DMWD: variants seen among roughly 807,000 people sequenced by gnomAD.
DMWD encodes dystrophia myotonica WD repeat-containing protein.
Under a neutral mutation model 45.8 loss-of-function variants are expected in DMWD, and 19 were observed. The ratio of observed to expected loss-of-function variants is 0.41; its 90% CI spans 0.29 to 0.61. The LOEUF is 0.61. DMWD is among the 20% of genes least tolerant of loss of function. The probability of loss-of-function intolerance (pLI) is 0.25; values close to 1 mark genes in which losing one functional copy is unlikely to be tolerated. For missense variants in DMWD, 802 were observed against 965.2 expected (o/e 0.83, Z 2.24); for synonymous variants, 515 against 440.5 (o/e 1.17, Z -2.12).
intron 2 of DMWD, 104 bp downstream of exon 2, chr19:45,790,801 G>T: frequency 7.6e-7 from 1 of 1,323,108 alleles, no homozygotes; most frequent in Non-Finnish European, 1.0e-6. Flanking sequence ...CCCTGGTCCT[G>T]CCCCTCTCAG....
At chr19:45,790,298 G>A (rs1217274544) in intron 2 of DMWD, 2 of 150,246 alleles carry the variant, frequency 1.3e-5, no homozygotes, top group African/African-American at 4.9e-5. Flanking sequence ...GCGACAGAGT[G>A]AGACTCCGCC....
At chr19:45,788,537 C>A (rs1970312913) in intron 2 of DMWD, among the ~76,000 whole-genome samples, 1 of 152,186 alleles carries the variant, frequency 6.6e-6, no homozygotes, top group Non-Finnish European at 1.5e-5. Flanking sequence ...TCCGTTATTT[C>A]TTGGAACTCA....
rs1356110407 is a variant in DMWD, at chr19:45,783,799, T to A, written c.*444A>T. On this transcript the variant is annotated 3_prime_UTR_variant, in exon 5 of 5. Coordinates refer to ENST00000270223, the MANE Select transcript of DMWD (RefSeq NM_004943.2). ...CAGGGAGGAACCTGAGGGGCTTCCA[T>A]AATTTAACACTCTTCAAAAGCACAG... 1 of 459,454 alleles carries A rather than the reference T, an allele frequency of 2.2e-6. No individual in the cohort carries two copies. Among genetic ancestry groups the A allele is most frequent in the Non-Finnish European group, 3.8e-6 (1 of 263,966 alleles). The allele number at this position is 459,454 out of a possible 1,614,324, so 28.5% of individuals were successfully genotyped here.
At position 45,786,726 on chromosome 19, in the gene DMWD, A is replaced by G; in HGVS notation, c.770T>C (p.Leu257Pro). 1 of 1,613,472 alleles carries G rather than the reference A, an allele frequency of 6.2e-7. No homozygotes were observed. The highest frequency in any genetic ancestry group is 8.5e-7 in the Non-Finnish European group (1 of 1,179,496). The change falls in exon 3 of 5, where the codon CTG becomes CCG. Residue 257 changes from leucine (L) to proline (P), a missense_variant. Transcript: ENST00000270223. ...GACAGAGAAGCCCTCGCCCTGCTTC[A>G]GCAGGCTGTACTGGGGCGGGGCCGA... The part of the protein sequence containing the change: ...CASAPPQYSL[L>P]KQGEGFSVYA...
At chr19:45,787,039 C>T in intron 2 of DMWD, 168 bp from the exon 3 acceptor site, 1 of 1,199,824 alleles carries the variant, frequency 8.3e-7, no homozygotes, top group Non-Finnish European at 1.1e-6. Flanking sequence ...CTGGGGAAGA[C>T]AGATGGACAC....
intron 2 of DMWD, chr19:45,787,209 G>A (rs1400880058): frequency 5.3e-6 from 2 of 380,710 alleles, no homozygotes; most frequent in Non-Finnish European, 9.8e-6. Context: ...GAACAGTAGT[G>A]GTCCGTGGCC....
At position 45,786,029 on chromosome 19, in the gene DMWD, C is replaced by T. The variant is rs768136909; in HGVS notation, c.1467G>A (p.Ser489=). Residue 489 remains serine (S), a synonymous_variant, in exon 3 of 5, where the codon TCG becomes TCA. Transcript: ENST00000270223. ...GEPGPGPLPR[S]LSRSNSLPHP... ...GCGGGAGACTGTTGGAGCGGGACAG[C>T]GAGCGAGGCAGGGGGCCTGGGCCAG... The T allele has an allele frequency of 4.5e-6, 7 of 1,543,406 alleles. No homozygotes were observed. The highest frequency in any genetic ancestry group is 3.8e-5 in the Admixed American group (2 of 52,230).
intron 3 of DMWD, 77 bp from the exon 4 acceptor site, chr19:45,784,792 A>G: frequency 6.4e-7 from 1 of 1,561,276 alleles, no homozygotes; most frequent in Non-Finnish European, 8.7e-7. Context: ...TGAGTCACTC[A>G]GACTGTGCTC....
At chr19:45,790,855 T>G (rs773119074) in intron 2 of DMWD, 50 bp downstream of exon 2, 2 of 1,560,656 alleles carry the variant, frequency 1.3e-6, no homozygotes, top group South Asian at 2.4e-5. Flanking sequence ...TGGCATATAG[T>G]GGGTAGGTGA....
At chr19:45,792,174 C>T in intron 1 of DMWD, 142 bp downstream of exon 1, 3 of 1,361,940 alleles carry the variant, frequency 2.2e-6, no homozygotes, top group Non-Finnish European at 2.9e-6. Flanking sequence ...TCCTGTACTC[C>T]CTCCAATGCT....
At chr19:45,787,718 C>T (rs1970300726) in intron 2 of DMWD, among the ~76,000 whole-genome samples, 1 of 152,236 alleles carries the variant, frequency 6.6e-6, no homozygotes, top group African/African-American at 2.4e-5. Context: ...TCGGCATCTG[C>T]CCCTCTTTTC....
At position 45,785,739 on chromosome 19, in the gene DMWD, C is replaced by T. The variant is rs202210183; in HGVS notation, c.1757G>A (p.Arg586His). 4 of 1,607,474 alleles carry T rather than the reference C, an allele frequency of 2.5e-6. No individual in the cohort carries two copies. Among genetic ancestry groups the T allele is most frequent in the Non-Finnish European group, 3.4e-6 (4 of 1,176,092 alleles). The change falls in exon 3 of 5, where the codon CGC becomes CAC. Residue 586 changes from arginine to histidine, a missense_variant. Coordinates refer to ENST00000270223, the MANE Select transcript of DMWD (RefSeq NM_004943.2). ...CTCCAGCAGGGGCACCTCGTGGATGCGCGGGCACAGCGCAGTGCCCAGCAC... is the reference window on the plus strand; with the variant it reads ...CTCCAGCAGGGGCACCTCGTGGATGTGCGGGCACAGCGCAGTGCCCAGCAC... ...AKVLGTALCP[R>H]IHEVPLLEPL...
Position 45,786,462 on chromosome 19 carries a change from C to T in DMWD, c.1034G>A (p.Gly345Asp). The change falls in exon 3 of 5, where the codon GGC becomes GAC. Residue 345 changes from glycine to aspartate, a missense_variant. Gly to Asp is a moderately conservative substitution (Grantham distance 94, BLOSUM62 -1). Coordinates refer to ENST00000270223, the MANE Select transcript of DMWD (RefSeq NM_004943.2). ...CCACACGGTGACCAGGTCATCTTCG[C>T]CACCCGTCACCACGTAGCGGCCGTC... ...SPDGRYVVTG[G>D]EDDLVTVWSF... The T allele has an allele frequency of 6.2e-7, 1 of 1,612,884 alleles. No individual in the cohort carries two copies. Among genetic ancestry groups the T allele is most frequent in the Non-Finnish European group, 8.5e-7 (1 of 1,179,108 alleles).
At position 45,784,644 on chromosome 19, in the gene DMWD, T is replaced by C; in HGVS notation, c.1974A>G (p.Val658=). The part of the protein sequence containing the change: ...SWPRSPSKSV[V]EGISSQPGNS... ...AAGAACTCAGGGACAGTCCTACCTC[T>C]ACCACTGACTTGCTGGGTGACCTGG... Residue 658 remains valine, a synonymous_variant, in exon 4 of 5, where the codon GTA becomes GTG. Transcript: ENST00000270223. 1 of 1,614,024 alleles carries C rather than the reference T, an allele frequency of 6.2e-7. No homozygotes were observed.
At position 45,786,681 on chromosome 19, in the gene DMWD, G is replaced by A; in HGVS notation, c.815C>T (p.Ala272Val). 1 of 1,610,884 alleles carries A rather than the reference G, an allele frequency of 6.2e-7. No homozygotes were observed. The highest frequency in any genetic ancestry group is 8.5e-7 in the Non-Finnish European group (1 of 1,177,500). ...CCACTTGGCCAGCGGGTTGCGGGGTGCCTTGCTCTTGGCAGCATAGACAGA... is the reference window on the plus strand; with the variant it reads ...CCACTTGGCCAGCGGGTTGCGGGGTACCTTGCTCTTGGCAGCATAGACAGA... ...GFSVYAAKSK[A>V]PRNPLAKWAV... The change falls in exon 3 of 5, where the codon GCA becomes GTA. Residue 272 changes from alanine to valine, a missense_variant. Physicochemically the swap from Ala to Val is moderately conservative, Grantham distance 64. Around this residue, in one of 9 missense-constraint regions of DMWD, gnomAD observed 146 missense variants for 212.8 expected, o/e 0.69. Coordinates refer to ENST00000270223, the MANE Select transcript of DMWD (RefSeq NM_004943.2).
chr19:45,784,956 C>T (rs577877824), intron 3 of DMWD, among the ~76,000 whole-genome samples: 38 of 152,310 alleles, frequency 2.5e-4, no homozygotes, highest in African/African-American at 7.5e-4. Flanking sequence ...AGGCCTGATT[C>T]GCCTACTATG....
rs561101495 is a variant in DMWD, at chr19:45,792,198, G to A, written c.441+118C>T. 1.7e-4 allele frequency: 242 copies of A among 1,407,078 alleles called. 1 individual carries two copies. Among genetic ancestry groups the A allele is most frequent in the East Asian group, 1.2e-3 (41 of 32,952 alleles). 87.2% of individuals were successfully genotyped at this position (1,407,078 alleles called of 1,614,324 possible). A position where few individuals can be genotyped will look rare whatever the true frequency, so the allele number is the denominator to read the frequency against. On this transcript the variant is annotated intron_variant, in intron 1 of 4. Transcript: ENST00000270223. The stretch of plus-strand genomic sequence containing the variant: ...CCCTCCAATGCTGTCGCCCTACAAC[G>A]TCCATCACATTTAGAATGCCTATCT...
In DMWD at chr19:45,791,954, T is replaced by C. The variant is rs537834191; in HGVS notation, c.441+362A>G. Among the ~76,000 whole-genome samples, 5 of 152,200 alleles carry C rather than the reference T, an allele frequency of 3.3e-5. No homozygotes were observed. The South Asian group carries it at 1.0e-3, about 32-fold the overall frequency. On this transcript the variant is annotated intron_variant, in intron 1 of 4. Coordinates refer to ENST00000270223, the MANE Select transcript of DMWD (RefSeq NM_004943.2). ...CTGCAATACTGGGTTCTCCATCACC[T>C]CTGGGCTTGCATCACCTCATGATTC...
chr19:45,792,040 A>G (rs543279455), intron 1 of DMWD, among the ~76,000 whole-genome samples: 85 of 152,054 alleles, frequency 5.6e-4, no homozygotes, highest in African/African-American at 2.0e-3. Context: ...CATCTCAGAT[A>G]CCCCATCATG....
Sources: gnomAD v4.1 joint callset for allele counts (sites outside exome capture counted in the v4.1 genomes callset) on GRCh38, gnomAD v4.1.1 for gene constraint, gnomAD v4.1.1 regional missense constraint, MANE v1.5 for transcripts, NCBI Gene and HGNC (gene_info 2026-07-23, HGNC 2026-07-21) for gene names.